MAMLD1: variants seen among roughly 807,000 people sequenced by gnomAD.
MAMLD1 encodes the protein mastermind-like domain-containing protein 1.
Under a neutral mutation model 45.0 loss-of-function variants are expected in MAMLD1, and 14 were observed. The ratio of observed to expected loss-of-function variants is 0.31; its 90% CI spans 0.21 to 0.49. The LOEUF (loss-of-function observed/expected upper bound fraction) is 0.49, where lower values mean the gene tolerates loss of function less well. Among genes scored for constraint, MAMLD1 ranks in the 20% least tolerant of loss-of-function variants. The probability of loss-of-function intolerance (pLI) is 0.99; values close to 1 mark genes in which losing one functional copy is unlikely to be tolerated. For synonymous variants in MAMLD1, 254 were observed against 247.8 expected, an observed-to-expected ratio of 1.02 and a Z score of -0.24; for missense variants, 543 against 603.6, an observed-to-expected ratio of 0.90 and a Z score of 1.05.
Position 150,509,591 on chromosome X carries a change from T to C in MAMLD1, c.2285-371T>C, listed in dbSNP as rs373757057. On this transcript the variant is annotated intron_variant, in intron 6 of 7. Coordinates refer to ENST00000370401, the MANE Select transcript of MAMLD1 (RefSeq NM_005491.5). ...ACCTCCCTCCTTCTACATACTCTGC[T>C]TCTATTAATGCAGCCTAATGTTACA... is the stretch of plus-strand genomic sequence containing the variant. The C allele has an allele frequency of 2.3e-5, 5 of 216,102 alleles. No individual in the cohort carries two copies. In the East Asian group the frequency reaches 5.9e-4, roughly 26 times the overall value. 17.8% of individuals were successfully genotyped at this position (216,102 alleles called of 1,213,427 possible).
At chrX:150,426,547 G>T (rs1326266994) in intron 1 of MAMLD1, among the ~76,000 whole-genome samples, 2 of 112,201 alleles carry the variant, frequency 1.8e-5, no homozygotes, top group African/African-American at 3.2e-5. Flanking sequence ...ATAAGCATTT[G>T]CCATGAGCAA....
upstream of MAMLD1, among the ~76,000 whole-genome samples, chrX:150,362,232 C>G (rs1235772922): frequency 9.0e-6 from 1 of 111,279 alleles, no homozygotes; most frequent in Admixed American, 9.4e-5. Context: ...GAGTGCCCCT[C>G]CCAGGGCGAG....
intron 2 of MAMLD1, among the ~76,000 whole-genome samples, chrX:150,449,272 G>A (rs1321126982): frequency 9.0e-6 from 1 of 111,573 alleles, no homozygotes; most frequent in Non-Finnish European, 1.9e-5. Flanking sequence ...CAAGGGCAGT[G>A]TGCTTTCCAT....
At position 150,512,918 on chromosome X, in the gene MAMLD1, A is replaced by G; in HGVS notation, c.*959A>G. The G allele has an allele frequency of 5.2e-6, 6 of 1,156,044 alleles. No homozygotes were observed. The highest frequency in any genetic ancestry group is 3.2e-5 in the East Asian group (1 of 30,784). ...ACCTGACTGCAATGAGGTAGATTTC[A>G]TTGAAGCTCTCTTGAAAGGCTCCTG... On this transcript the variant is annotated 3_prime_UTR_variant, in exon 8 of 8. Coordinates refer to ENST00000370401, the MANE Select transcript of MAMLD1 (RefSeq NM_005491.5).
At chrX:150,392,558 T>C (rs2033231652) in intron 1 of MAMLD1, among the ~76,000 whole-genome samples, 1 of 110,205 alleles carries the variant, frequency 9.1e-6, no homozygotes. Context: ...GGCAGGGGAA[T>C]CAGAGGACCG....
chrX:150,370,695 C>G (rs782456791), intron 1 of MAMLD1, among the ~76,000 whole-genome samples: 14 of 111,938 alleles, frequency 1.3e-4, no homozygotes, highest in Middle Eastern at 4.7e-3. Flanking sequence ...CCTCCACCCC[C>G]CCAGCTCTGG....
intron 6 of MAMLD1, among the ~76,000 whole-genome samples, chrX:150,509,083 A>T (rs1214746441): frequency 9.0e-6 from 1 of 111,426 alleles, no homozygotes; most frequent in African/African-American, 3.3e-5. Flanking sequence ...GAGTGCTGAA[A>T]CTGCGGCCTT....
At chrX:150,387,634 A>G (rs1164851478) in intron 1 of MAMLD1, among the ~76,000 whole-genome samples, 1 of 111,938 alleles carries the variant, frequency 8.9e-6, no homozygotes, top group Non-Finnish European at 1.9e-5. Flanking sequence ...CATGTATACC[A>G]AGGGAGGATT....
At chrX:150,494,222 A>T (rs782531991) in intron 5 of MAMLD1, among the ~76,000 whole-genome samples, 27 of 110,093 alleles carry the variant, frequency 2.5e-4, no homozygotes, top group Non-Finnish European at 4.7e-4. Context: ...GGTGAAACCC[A>T]GTCTCTACTA....
At chrX:150,436,570 A>G (rs1296972696) in intron 1 of MAMLD1, among the ~76,000 whole-genome samples, 1 of 111,762 alleles carries the variant, frequency 8.9e-6, no homozygotes. Context: ...ACTCTCTCAG[A>G]TCAGTTTGGC....
At chrX:150,449,823 A>T (rs1428922653) in intron 2 of MAMLD1, among the ~76,000 whole-genome samples, 1 of 109,477 alleles carries the variant, frequency 9.1e-6, no homozygotes. Context: ...GAACAAATCT[A>T]TCTTACTCTG....
rs781900793 is a variant in MAMLD1, at chrX:150,469,707, C to T, written c.172-38C>T. On this transcript the variant is annotated intron_variant, in intron 3 of 7. Coordinates refer to ENST00000370401, the MANE Select transcript of MAMLD1 (RefSeq NM_005491.5). ...TGTGTCACCTCTCTTCCCTTCTCCT[C>T]TCCTCTCTTCTCCTCTTCTCTTCTC... 7 of 1,107,765 alleles carry T rather than the reference C, an allele frequency of 6.3e-6. No homozygotes were observed. The Admixed American group carries it at 1.3e-4, about 21-fold the overall frequency. 91.3% of individuals were successfully genotyped at this position (1,107,765 alleles called of 1,213,427 possible). A position where few individuals can be genotyped will look rare whatever the true frequency, so the allele number is the denominator to read the frequency against.
chrX:150,488,699 C>G (rs191039632), intron 5 of MAMLD1, among the ~76,000 whole-genome samples: 1 of 113,088 alleles, frequency 8.8e-6, no homozygotes, highest in Admixed American at 9.3e-5. Flanking sequence ...ATTAGATATT[C>G]ACACATCAAA....
At chrX:150,373,429 C>A (rs782659498) in intron 1 of MAMLD1, among the ~76,000 whole-genome samples, 1 of 109,309 alleles carries the variant, frequency 9.1e-6, no homozygotes, top group South Asian at 4.0e-4. Flanking sequence ...GTTCTCATCT[C>A]CTTGCTCAGG....
At chrX:150,503,128 G>C (rs2037613883) in intron 5 of MAMLD1, 146 bp from the exon 6 acceptor site, 2 of 563,435 alleles carry the variant, frequency 3.5e-6, no homozygotes. Context: ...AGATCACAAA[G>C]CTGTTTGGTT....
chrX:150,463,410 C>A lies in MAMLD1; in HGVS notation c.171+564C>A, dbSNP rs782014528. ...GAGCAGCCCGTCTTGAAGGGCCCAG[C>A]AGTTCTGACGGTCTAGGAGTTAGAG... On this transcript the variant is annotated intron_variant, in intron 3 of 7. Coordinates refer to ENST00000370401, the MANE Select transcript of MAMLD1 (RefSeq NM_005491.5). Among the ~76,000 whole-genome samples the A allele has an allele frequency of 2.7e-5, 3 of 112,180 alleles. No homozygotes were observed. In the East Asian group the frequency reaches 8.4e-4, roughly 32 times the overall value.
intron 1 of MAMLD1, among the ~76,000 whole-genome samples, chrX:150,414,486 G>A: frequency 9.0e-6 from 1 of 111,327 alleles, no homozygotes; most frequent in East Asian, 2.8e-4. Flanking sequence ...GAGGGACCTG[G>A]AGGCAAGTCC....
intron 5 of MAMLD1, among the ~76,000 whole-genome samples, chrX:150,484,674 T>TA (rs1187342515): frequency 8.9e-6 from 1 of 112,527 alleles, no homozygotes; most frequent in Non-Finnish European, 1.9e-5. Flanking sequence ...CATTCATTAA[T>TA]AAAATTGTTT....
intron 2 of MAMLD1, among the ~76,000 whole-genome samples, chrX:150,449,337 C>A (rs1557404955): frequency 1.8e-5 from 2 of 111,135 alleles, no homozygotes; most frequent in African/African-American, 6.6e-5. Flanking sequence ...CCTCTAAATG[C>A]AAGTAGGGCT....
Sources: gnomAD v4.1 joint callset for allele counts (sites outside exome capture counted in the v4.1 genomes callset) on GRCh38, gnomAD v4.1.1 for gene constraint, MANE v1.5 for transcripts, NCBI Gene and HGNC (gene_info 2026-07-23, HGNC 2026-07-21) for gene names.